CACNB2: variants seen among roughly 807,000 people sequenced by gnomAD.
The protein encoded by CACNB2 is calcium voltage-gated channel auxiliary subunit beta 2.
Under a neutral mutation model 73.3 loss-of-function variants are expected in CACNB2, and 42 were observed. The observed-to-expected ratio is 0.57, with a 90% CI of 0.45 to 0.74. CACNB2 has a LOEUF of 0.74. Ranked by LOEUF, CACNB2 falls within the 30% of genes least tolerant of loss-of-function variation. CACNB2 has a pLI of 0.00. For missense variants in CACNB2, 940 were observed against 853.0 expected, an observed-to-expected ratio of 1.10 and a Z score of -1.27; for synonymous variants, 348 against 310.3, an observed-to-expected ratio of 1.12 and a Z score of -1.28.
At chr10:18,497,089 A>G (rs1290788639) in intron 3 of CACNB2, among the ~76,000 whole-genome samples, 12 of 151,034 alleles carry the variant, frequency 7.9e-5, no homozygotes, top group Non-Finnish European at 1.5e-4. Context: ...GCTCACGCCT[A>G]TAATCCAAGC....
chr10:18,199,469 A>G (rs1190825722), intron 2 of CACNB2, among the ~76,000 whole-genome samples: 1 of 152,156 alleles, frequency 6.6e-6, no homozygotes, highest in Non-Finnish European at 1.5e-5. Context: ...GACATGGGGC[A>G]GATGGAACCC....
At chr10:18,461,784 T>TTC (rs2047593398) in intron 3 of CACNB2, among the ~76,000 whole-genome samples, 1 of 148,804 alleles carries the variant, frequency 6.7e-6, no homozygotes, top group South Asian at 2.2e-4. Context: ...TTTTTTTTTT[T>TTC]TTGGCGTTGT....
At position 18,541,448 on chromosome 10, in the gene CACNB2, C is replaced by CAGTT. The variant is rs1260484198; in HGVS notation, c.*1726_*1729dup. 3.9e-5 allele frequency: 6 copies of CAGTT among 152,156 alleles called. No individual in the cohort carries two copies. Among genetic ancestry groups the CAGTT allele is most frequent in the Non-Finnish European group, 7.3e-5 (5 of 68,028 alleles). 9.4% of individuals were successfully genotyped at this position (152,156 alleles called of 1,614,324 possible). On this transcript the variant is annotated 3_prime_UTR_variant, in exon 14 of 14. Coordinates refer to ENST00000324631, the MANE Select transcript of CACNB2 (RefSeq NM_201596.3). ...CCGTGTCTCAAGTGTATATTTTGTC[C>CAGTT]AGTTATAACTGGATGGTAAGACAGT...
At chr10:18,461,673 C>T (rs922643387) in intron 3 of CACNB2, among the ~76,000 whole-genome samples, 3 of 151,730 alleles carry the variant, frequency 2.0e-5, no homozygotes, top group African/African-American at 7.3e-5. Flanking sequence ...ACAGGGTTCA[C>T]GCTGCAATGA....
At chr10:18,321,978 C>T (rs2040413272) in intron 2 of CACNB2, among the ~76,000 whole-genome samples, 1 of 152,084 alleles carries the variant, frequency 6.6e-6, no homozygotes, top group Non-Finnish European at 1.5e-5. Context: ...CATAGCAAGA[C>T]TCTGTCTCTA....
At chr10:18,181,014 C>T (rs2033847097) in intron 2 of CACNB2, among the ~76,000 whole-genome samples, 1 of 144,680 alleles carries the variant, frequency 6.9e-6, no homozygotes, top group African/African-American at 2.6e-5. Flanking sequence ...GAAAATGGAG[C>T]AGAGGCTATT....
intron 2 of CACNB2, among the ~76,000 whole-genome samples, chr10:18,393,212 T>TCATGTCATCTGTCATCATCAGTAGATA (rs2043565160): frequency 7.6e-6 from 1 of 130,970 alleles, no homozygotes; most frequent in Non-Finnish European, 1.7e-5. Context: ...AAAAAAAAAA[T>TCATGTCATCTGTCATCATCAGTAGATA]CATGTCATCT....
intron 3 of CACNB2, among the ~76,000 whole-genome samples, chr10:18,405,155 A>G (rs1019333712): frequency 1.3e-5 from 2 of 152,198 alleles, no homozygotes; most frequent in Non-Finnish European, 2.9e-5. Context: ...TGTATAATTC[A>G]GTGGTTTTTA....
At chr10:18,481,083 T>A (rs530333706) in intron 3 of CACNB2, among the ~76,000 whole-genome samples, 1 of 150,808 alleles carries the variant, frequency 6.6e-6, no homozygotes, top group African/African-American at 2.4e-5. Context: ...GGTGGTGTGC[T>A]GTGAGGCTGT....
intron 2 of CACNB2, among the ~76,000 whole-genome samples, chr10:18,285,541 TCTGA>T (rs1282075125): frequency 6.6e-6 from 1 of 152,204 alleles, no homozygotes; most frequent in Non-Finnish European, 1.5e-5. Flanking sequence ...CCAGCAGCTA[TCTGA>T]CTGTTACCAT....
intron 2 of CACNB2, among the ~76,000 whole-genome samples, chr10:18,215,429 G>C (rs1446093962): frequency 6.6e-6 from 1 of 152,104 alleles, no homozygotes; most frequent in Non-Finnish European, 1.5e-5. Context: ...GGGCATTTCT[G>C]GGACCAATCT....
At chr10:18,260,948 A>T in intron 2 of CACNB2, 1 of 1,277,576 alleles carries the variant, frequency 7.8e-7, no homozygotes. Context: ...GACAGTCCTA[A>T]CTCTGTGTTA....
rs958838712 is a variant in CACNB2 at position 18,542,566 on chromosome 10, T to C, written c.*2842T>C. ...TAGTGGTGAGAGTTTCCATCTTTTT[T>C]ATTTTGTATCTAGATTCTTAGCTTG... is the stretch of plus-strand genomic sequence containing the variant. On this transcript the variant is annotated 3_prime_UTR_variant, in exon 14 of 14. Coordinates refer to ENST00000324631, the MANE Select transcript of CACNB2 (RefSeq NM_201596.3). 6.6e-6 allele frequency: 1 copy of C among 152,208 alleles called. No homozygotes were observed. Among genetic ancestry groups the C allele is most frequent in the Non-Finnish European group, 1.5e-5 (1 of 68,034 alleles). 9.4% of individuals were successfully genotyped at this position (152,208 alleles called of 1,614,324 possible). A position where few individuals can be genotyped will look rare whatever the true frequency, so the allele number is the denominator to read the frequency against.
At chr10:18,324,045 T>C (rs149660686) in intron 2 of CACNB2, among the ~76,000 whole-genome samples, 12 of 152,338 alleles carry the variant, frequency 7.9e-5, no homozygotes, top group African/African-American at 2.9e-4. Context: ...TAACTGATCA[T>C]ACGAATGAGT....
At chr10:18,362,542 C>G (rs1323249807) in intron 2 of CACNB2, among the ~76,000 whole-genome samples, 1 of 152,106 alleles carries the variant, frequency 6.6e-6, no homozygotes, top group East Asian at 1.9e-4. Context: ...GACTTAAAAT[C>G]TTTTAAGTAT....
At chr10:18,438,593 T>C (rs2046265133) in intron 3 of CACNB2, among the ~76,000 whole-genome samples, 1 of 152,230 alleles carries the variant, frequency 6.6e-6, no homozygotes, top group Admixed American at 6.5e-5. Context: ...CAGTTATCCA[T>C]CTGTTCTCCC....
chr10:18,384,987 G>T (rs1330241893), intron 2 of CACNB2, among the ~76,000 whole-genome samples: 1 of 151,706 alleles, frequency 6.6e-6, no homozygotes, highest in African/African-American at 2.4e-5. Flanking sequence ...ACTTTGAAAA[G>T]AACAGTTGCC....
At chr10:18,182,324 C>G (rs2033927947) in intron 2 of CACNB2, among the ~76,000 whole-genome samples, 1 of 149,964 alleles carries the variant, frequency 6.7e-6, no homozygotes, top group Admixed American at 6.7e-5. Flanking sequence ...GACTCCACCT[C>G]AAAAAAAAAT....
Position 18,442,301 on chromosome 10 carries a change from A to C in CACNB2, c.333+40258A>C, listed in dbSNP as rs548679459. Among the ~76,000 whole-genome samples, 194 of 151,960 alleles carry C rather than the reference A, an allele frequency of 1.3e-3. 1 individual carries two copies. The highest frequency in any genetic ancestry group is 4.5e-3 in the African/African-American group (188 of 41,474). On this transcript the variant is annotated intron_variant, in intron 3 of 13. Transcript: ENST00000324631. ...GGTACCTGGGATTACAGGTGCCTGC[A>C]ACCACGCCCAGCCAATTTTTTGTAT...
Sources: gnomAD v4.1 joint callset for allele counts (sites outside exome capture counted in the v4.1 genomes callset) on GRCh38, gnomAD v4.1.1 for gene constraint, MANE v1.5 for transcripts, NCBI Gene and HGNC (gene_info 2026-07-23, HGNC 2026-07-21) for gene names.